PLCG2: variants seen among roughly 807,000 people sequenced by gnomAD.
PLCG2 encodes 1-phosphatidylinositol 4,5-bisphosphate phosphodiesterase gamma-2.
PLCG2 carries 69 observed loss-of-function variants against 175.6 expected under a neutral mutation model. The ratio of observed to expected loss-of-function variants is 0.39; its 90% confidence interval spans 0.32 to 0.48. The LOEUF is 0.48. Ranked by LOEUF, PLCG2 falls within the 20% of genes least tolerant of loss-of-function variation. The probability of loss-of-function intolerance (pLI) is 0.91; values close to 1 mark genes in which losing one functional copy is unlikely to be tolerated. For synonymous variants in PLCG2, 827 were observed against 624.0 expected (o/e 1.33, Z -4.85); for missense variants, 1,798 against 1,650.9 (o/e 1.09, Z -1.54).
At chr16:81,906,996 C>T (rs1390044482) in intron 15 of PLCG2, among the ~76,000 whole-genome samples, 3 of 147,374 alleles carry the variant, frequency 2.0e-5, no homozygotes, top group African/African-American at 7.6e-5. Context: ...TGAGATTGAG[C>T]CACTGCACTC....
chr16:81,935,347 C>T, intron 26 of PLCG2, among the ~76,000 whole-genome samples: 1 of 152,086 alleles, frequency 6.6e-6, no homozygotes, highest in East Asian at 1.9e-4. Flanking sequence ...CTTAATCACA[C>T]CTGCAAAGTC....
At chr16:81,851,368 C>A (rs1368328045) in intron 2 of PLCG2, among the ~76,000 whole-genome samples, 1 of 152,172 alleles carries the variant, frequency 6.6e-6, no homozygotes, top group Non-Finnish European at 1.5e-5. Context: ...TTTACATACA[C>A]TCCGTTTTCT....
chr16:81,750,812 C>T lies in PLCG2; in HGVS notation c.-144-5058C>T, dbSNP rs113096596. ...CCTCCCGAGTACTTGGGACTACAGG[C>T]GCCTGCCACCACACCTGCACCTGGC... is the stretch of plus-strand genomic sequence containing the variant. On this transcript the variant is annotated intron_variant, in intron 1 of 5. Coordinates refer to the PLCG2 transcript ENST00000565054. Among the ~76,000 whole-genome samples, 572 of 150,476 alleles carry T rather than the reference C, an allele frequency of 3.8e-3. 4 individuals carry two copies. Among genetic ancestry groups the T allele is most frequent in the African/African-American group, 0.013 (544 of 41,016 alleles).
At chr16:81,888,614 T>C (rs1004229989) in intron 9 of PLCG2, among the ~76,000 whole-genome samples, 4 of 152,194 alleles carry the variant, frequency 2.6e-5, no homozygotes, top group Non-Finnish European at 5.9e-5. Context: ...TGGTAGATAC[T>C]CTTATTCCCA....
In PLCG2 at chr16:81,802,093, C is replaced by CTTTTTTTT. The variant is rs1157731599; in HGVS notation, c.193+15942_193+15949dup. Among the ~76,000 whole-genome samples, 345 of 40,010 alleles carry CTTTTTTTT rather than the reference C, an allele frequency of 8.6e-3. 122 individuals carry two copies. Among genetic ancestry groups the CTTTTTTTT allele is most frequent in the Non-Finnish European group, 9.5e-3 (216 of 22,658 alleles). The allele number at this position is 40,010 out of a possible 152,430, so 26.2% of individuals were successfully genotyped here. On this transcript the variant is annotated intron_variant, in intron 2 of 32. Coordinates refer to ENST00000564138, the MANE Select transcript of PLCG2 (RefSeq NM_002661.5). ...GTTAGCTCCTTCAGGTGAGTACAGT[C>CTTTTTTTT]TTTTTTTTTTTTTTTTTTTTTTTTT... is the stretch of plus-strand genomic sequence containing the variant.
At chr16:81,924,367 G>A (rs938125785) in intron 22 of PLCG2, among the ~76,000 whole-genome samples, 1 of 152,266 alleles carries the variant, frequency 6.6e-6, no homozygotes, top group Non-Finnish European at 1.5e-5. Context: ...AGCATGCATG[G>A]AGTGCTTCTA....
At chr16:81,779,787 T>C (rs4476173) in intron 1 of PLCG2, among the ~76,000 whole-genome samples, 128,201 of 151,698 alleles carry the variant, frequency 0.85, 54,242 homozygotes, top group South Asian at 0.95. Context: ...GCCGTCTCTC[T>C]TGACGGCCCT....
chr16:81,880,124 C>A (rs1050578176), intron 7 of PLCG2, among the ~76,000 whole-genome samples: 1 of 152,154 alleles, frequency 6.6e-6, no homozygotes, highest in Non-Finnish European at 1.5e-5. Flanking sequence ...GCCTGTAGTC[C>A]TAGTTACGCA....
intron 9 of PLCG2, among the ~76,000 whole-genome samples, chr16:81,886,238 T>G (rs1908359566): frequency 6.6e-6 from 1 of 152,214 alleles, no homozygotes; most frequent in Admixed American, 6.5e-5. Context: ...GGCCCTTTGC[T>G]GGGCTGCCCT....
At position 81,839,573 on chromosome 16, in the gene PLCG2, C is replaced by T. The variant is rs1905712487; in HGVS notation, c.194-14871C>T. Among the ~76,000 whole-genome samples, 2 of 152,136 alleles carry T rather than the reference C, an allele frequency of 1.3e-5. 1 individual carries two copies. The highest frequency in any genetic ancestry group is 4.8e-5 in the African/African-American group (2 of 41,432). On this transcript the variant is annotated intron_variant, in intron 2 of 32. Coordinates refer to ENST00000564138, the MANE Select transcript of PLCG2 (RefSeq NM_002661.5). ...TAATACTTATTTTAATATTGATTCA[C>T]TATTTTTAAACTTAATTTTATATAG...
chr16:81,820,086 T>C (rs967654780), intron 2 of PLCG2, among the ~76,000 whole-genome samples: 1 of 152,246 alleles, frequency 6.6e-6, no homozygotes, highest in African/African-American at 2.4e-5. Context: ...TTAAGGATTA[T>C]GATCTTTTAG....
intron 1 of PLCG2, among the ~76,000 whole-genome samples, chr16:81,780,604 C>G (rs1910684819): frequency 6.6e-6 from 1 of 152,186 alleles, no homozygotes; most frequent in Non-Finnish European, 1.5e-5. Context: ...AATGATGCAG[C>G]TGCCTTCCCC....
At chr16:81,957,008 T>G (rs1314074626) in intron 32 of PLCG2, 129 bp downstream of exon 32, 2 of 581,582 alleles carry the variant, frequency 3.4e-6, no homozygotes, top group Non-Finnish European at 5.2e-6. Context: ...CCGGGCATGG[T>G]GGCTCACAGG....
chr16:81,818,807 C>G (rs1713320516), intron 2 of PLCG2, among the ~76,000 whole-genome samples: 1 of 150,444 alleles, frequency 6.6e-6, no homozygotes, highest in Non-Finnish European at 1.5e-5. Flanking sequence ...AGGGCAGCCT[C>G]ATGAGAACTG....
intron 2 of PLCG2, among the ~76,000 whole-genome samples, chr16:81,790,901 C>G (rs921442109): frequency 1.3e-5 from 2 of 152,104 alleles, no homozygotes; most frequent in Non-Finnish European, 2.9e-5. Flanking sequence ...TTCTGTAGTG[C>G]ACAGGACAGT....
At chr16:81,851,572 G>T (rs908626591) in intron 2 of PLCG2, among the ~76,000 whole-genome samples, 9 of 152,166 alleles carry the variant, frequency 5.9e-5, no homozygotes, top group African/African-American at 1.9e-4. Context: ...GAGTGCAGTG[G>T]CGTGGTCTCG....
intron 27 of PLCG2, 56 bp from the exon 28 acceptor site, chr16:81,937,702 T>C: frequency 6.5e-7 from 1 of 1,539,558 alleles, no homozygotes; most frequent in Non-Finnish European, 8.9e-7. Flanking sequence ...ACTCCTGGCC[T>C]AGGGGGCCAG....
intron 19 of PLCG2, among the ~76,000 whole-genome samples, chr16:81,913,908 A>T (rs558245410): frequency 1.2e-4 from 19 of 152,230 alleles, no homozygotes; most frequent in Middle Eastern, 3.4e-3. Context: ...CATTATCACT[A>T]TAGTTTACTG....
chr16:81,767,290 G>A (rs532921358), intron 2 of PLCG2, among the ~76,000 whole-genome samples: 5 of 152,016 alleles, frequency 3.3e-5, no homozygotes, highest in Middle Eastern at 6.8e-3. Flanking sequence ...GGTTACGGGC[G>A]TCTGCCAACA....
Sources: gnomAD v4.1 joint callset for allele counts (sites outside exome capture counted in the v4.1 genomes callset) on GRCh38, gnomAD v4.1.1 for gene constraint, MANE v1.5 for transcripts, NCBI Gene and HGNC (gene_info 2026-07-23, HGNC 2026-07-21) for gene names.